The following CHL1 variants were observed in gnomAD, a reference collection of about 807,000 sequenced individuals.
CHL1 encodes the protein neural cell adhesion molecule L1-like protein.
CHL1 carries 96 observed loss-of-function variants against 141.9 expected under a neutral mutation model. The observed-to-expected ratio is 0.68, with a 90% CI of 0.57 to 0.80. CHL1 has a LOEUF of 0.80. Ranked by LOEUF, CHL1 falls within the 30% of genes least tolerant of loss-of-function variation. CHL1 has a pLI of 0.00. For synonymous variants in CHL1, 613 were observed against 502.2 expected, an observed-to-expected ratio of 1.22 and a Z score of -2.95; for missense variants, 1,820 against 1,457.2, an observed-to-expected ratio of 1.25 and a Z score of -4.05.
At chr3:200,333 T>C (rs1373738594) in intron 1 of CHL1, among the ~76,000 whole-genome samples, 2 of 152,122 alleles carry the variant, frequency 1.3e-5, no homozygotes, top group Non-Finnish European at 2.9e-5. Flanking sequence ...TTGGGAGGTG[T>C]TGAGTTCTGA....
At position 349,420 on chromosome 3, in the gene CHL1, A is replaced by G. The variant is rs761657554; in HGVS notation, c.910A>G (p.Lys304Glu). The G allele has an allele frequency of 6.2e-7, 1 of 1,614,014 alleles. No individual in the cohort carries two copies. The highest frequency in any genetic ancestry group is 8.5e-7 in the Non-Finnish European group (1 of 1,179,906). The change falls in exon 10 of 28, where the codon AAA (lysine) becomes GAA (glutamate). Residue 304 changes from lysine to glutamate, a missense_variant. Transcript: ENST00000256509. ...GGDLPKGRET[K>E]ENYGKTLKIE... Reference sequence around the variant, plus strand: ...TGACTTACCAAAGGGGAGAGAAACAAAAGAAAATTATGGCAAGACTTTGAA... The same window carrying G: ...TGACTTACCAAAGGGGAGAGAAACAGAAGAAAATTATGGCAAGACTTTGAA...
chr3:329,555 T>C (rs1165816405), intron 5 of CHL1, among the ~76,000 whole-genome samples: 2 of 151,602 alleles, frequency 1.3e-5, no homozygotes, highest in Non-Finnish European at 2.9e-5. Context: ...CACAATGTGG[T>C]TGATGCAGGG....
intron 1 of CHL1, among the ~76,000 whole-genome samples, chr3:244,056 A>C (rs546880570): frequency 1.3e-5 from 2 of 152,292 alleles, no homozygotes; most frequent in Non-Finnish European, 2.9e-5. Context: ...TCCTCATTTC[A>C]CATGTTGATG....
At chr3:351,604 G>A (rs1296000801) in intron 10 of CHL1, among the ~76,000 whole-genome samples, 9 of 151,912 alleles carry the variant, frequency 5.9e-5, no homozygotes, top group Non-Finnish European at 8.8e-5. Flanking sequence ...ATAAGGATTT[G>A]CCATGTGAGA....
chr3:220,022 C>G (rs923106321), intron 1 of CHL1, among the ~76,000 whole-genome samples: 1 of 152,010 alleles, frequency 6.6e-6, no homozygotes, highest in African/African-American at 2.4e-5. Flanking sequence ...ATATATGCAA[C>G]AAAATAAATG....
At chr3:258,206 G>C (rs961021206) in intron 2 of CHL1, among the ~76,000 whole-genome samples, 1 of 152,158 alleles carries the variant, frequency 6.6e-6, no homozygotes. Context: ...GGTTTGAAAG[G>C]CCTCTCAGAT....
At chr3:285,285 G>A (rs1268055675) in intron 2 of CHL1, among the ~76,000 whole-genome samples, 3 of 152,190 alleles carry the variant, frequency 2.0e-5, no homozygotes, top group East Asian at 3.8e-4. Flanking sequence ...CATTATGACA[G>A]CTGGGTGACT....
Position 319,760 on chromosome 3 carries a change from C to T in CHL1, c.-17C>T, listed in dbSNP as rs749691282. 3.2e-6 allele frequency: 5 copies of T among 1,552,080 alleles called. No homozygotes were observed. Among genetic ancestry groups the T allele is most frequent in the Non-Finnish European group, 4.4e-6 (5 of 1,127,016 alleles). ...AAGATTTTCATTCTTACCGGGTTGTCTTCTTCCTGAAGAGCAATGGAGCCG... is the reference window on the plus strand; with the variant it reads ...AAGATTTTCATTCTTACCGGGTTGTTTTCTTCCTGAAGAGCAATGGAGCCG... On this transcript the variant is annotated 5_prime_UTR_variant, in exon 3 of 28. Transcript: ENST00000256509.
intron 14 of CHL1, among the ~76,000 whole-genome samples, chr3:364,200 T>C (rs1166750439): frequency 6.6e-6 from 1 of 152,320 alleles, no homozygotes; most frequent in East Asian, 1.9e-4. Context: ...TACATCCTTT[T>C]CTTATTTTAT....
chr3:348,318 A>G (rs1702941783), intron 9 of CHL1, among the ~76,000 whole-genome samples: 1 of 152,204 alleles, frequency 6.6e-6, no homozygotes, highest in South Asian at 2.1e-4. Context: ...AACTCACCAA[A>G]TAACCTACAG....
At chr3:209,800 C>T (rs1410351268) in intron 1 of CHL1, among the ~76,000 whole-genome samples, 2 of 152,134 alleles carry the variant, frequency 1.3e-5, no homozygotes, top group Admixed American at 6.6e-5. Flanking sequence ...ATCTTTTAAA[C>T]GGTTTCTTTT....
At chr3:314,089 G>GT (rs1187064914) in intron 2 of CHL1, among the ~76,000 whole-genome samples, 7 of 151,634 alleles carry the variant, frequency 4.6e-5, no homozygotes, top group African/African-American at 1.7e-4. Context: ...TTTTCTGTTT[G>GT]TTTTTTATTT....
chr3:326,009 C>T lies in CHL1; in HGVS notation c.142C>T (p.Pro48Ser), dbSNP rs1008914181. ...IKQSKVQVAF[P>S]FDEYFQIECE... ...ACAGTCAAAAGTCCAAGTTGCCTTT[C>T]CCTTCGATGAGTATTTTCAAATTGA... Residue 48 changes from proline (P) to serine (S), a missense_variant, in exon 4 of 28, where the codon CCC (proline) becomes TCC (serine). Pro to Ser is a moderately conservative substitution (Grantham distance 74). Transcript: ENST00000256509. The T allele has an allele frequency of 6.8e-6, 11 of 1,611,746 alleles. No individual in the cohort carries two copies. The highest frequency in any genetic ancestry group is 8.5e-6 in the Non-Finnish European group (10 of 1,178,618).
chr3:395,609 C>A (rs532586273), intron 24 of CHL1, among the ~76,000 whole-genome samples: 1 of 152,256 alleles, frequency 6.6e-6, no homozygotes, highest in South Asian at 2.1e-4. Flanking sequence ...TTAGGCTGTT[C>A]AGGCATGGAA....
intron 2 of CHL1, among the ~76,000 whole-genome samples, chr3:302,640 A>G (rs1269502523): frequency 3.3e-5 from 5 of 151,878 alleles, no homozygotes; most frequent in Non-Finnish European, 7.4e-5. Flanking sequence ...TAGATTCTGG[A>G]TAGGTCTTCG....
At chr3:284,218 G>A (rs151226333) in intron 2 of CHL1, among the ~76,000 whole-genome samples, 1 of 152,148 alleles carries the variant, frequency 6.6e-6, no homozygotes, top group Non-Finnish European at 1.5e-5. Context: ...GAAAGACAGG[G>A]GGGCTGCATG....
intron 2 of CHL1, among the ~76,000 whole-genome samples, chr3:293,585 G>A (rs1697907778): frequency 6.6e-6 from 1 of 151,956 alleles, no homozygotes; most frequent in African/African-American, 2.4e-5. Flanking sequence ...TAAACAAAAA[G>A]AATACATATG....
At chr3:317,428 G>T (rs1257501028) in intron 2 of CHL1, among the ~76,000 whole-genome samples, 1 of 151,784 alleles carries the variant, frequency 6.6e-6, no homozygotes, top group African/African-American at 2.4e-5. Flanking sequence ...GAGGTGAGAT[G>T]ATGTTAAATA....
intron 2 of CHL1, among the ~76,000 whole-genome samples, chr3:258,710 G>A (rs1694410877): frequency 6.6e-6 from 1 of 152,098 alleles, no homozygotes; most frequent in African/African-American, 2.4e-5. Flanking sequence ...TTAAATAGAA[G>A]CATTTACACT....
Sources: gnomAD v4.1 joint callset for allele counts (sites outside exome capture counted in the v4.1 genomes callset) on GRCh38, gnomAD v4.1.1 for gene constraint, MANE v1.5 for transcripts, NCBI Gene and HGNC (gene_info 2026-07-23, HGNC 2026-07-21) for gene names.